The following GABRB1 variants were observed in gnomAD, a reference collection of about 807,000 sequenced individuals.
GABRB1 encodes the protein gamma-aminobutyric acid receptor subunit beta-1.
Under a neutral mutation model 51.6 loss-of-function variants are expected in GABRB1, and 17 were observed. That is an observed-to-expected ratio of 0.33 (90% CI 0.23 to 0.49). The LOEUF is 0.49. Among genes scored for constraint, GABRB1 ranks in the 20% least tolerant of loss-of-function variants. GABRB1 has a pLI of 0.99. For synonymous variants in GABRB1, 247 were observed against 218.9 expected, an observed-to-expected ratio of 1.13 and a Z score of -1.14; for missense variants, 410 against 600.6, an observed-to-expected ratio of 0.68 and a Z score of 3.32.
At chr4:47,064,369 T>C (rs1726970953) in intron 3 of GABRB1, among the ~76,000 whole-genome samples, 1 of 152,154 alleles carries the variant, frequency 6.6e-6, no homozygotes, top group African/African-American at 2.4e-5. Flanking sequence ...GTGCGGTGGC[T>C]CACGCCTGTA....
rs372650522 is a variant in GABRB1 at position 47,015,433 on chromosome 4, A to G, written c.-19-16481A>G. On this transcript the variant is annotated intron_variant, in intron 1 of 3. Transcript: ENST00000513567. Reference sequence around the variant, plus strand: ...TATATGTCAATACTGTAATATCCTTAATAGATTATATTAGCCTAAATAACA... The same window carrying G: ...TATATGTCAATACTGTAATATCCTTGATAGATTATATTAGCCTAAATAACA... 6.2e-4 allele frequency among the ~76,000 whole-genome samples: 94 copies of G among 152,332 alleles called. No individual in the cohort carries two copies. The South Asian group carries it at 0.013, about 21-fold the overall frequency.
intron 4 of GABRB1, among the ~76,000 whole-genome samples, chr4:47,174,345 G>A (rs1321187610): frequency 1.3e-5 from 2 of 152,066 alleles, no homozygotes; most frequent in Non-Finnish European, 2.9e-5. Context: ...GATTACAGGT[G>A]TGACCCACCA....
intron 4 of GABRB1, among the ~76,000 whole-genome samples, chr4:47,273,106 T>C (rs563658936): frequency 1.3e-5 from 2 of 152,288 alleles, no homozygotes; most frequent in South Asian, 2.1e-4. Context: ...AAAATCCTTA[T>C]GGTGCGTTGG....
intron 4 of GABRB1, among the ~76,000 whole-genome samples, chr4:47,195,361 G>A (rs866054333): frequency 1.4e-5 from 2 of 142,710 alleles, no homozygotes; most frequent in Admixed American, 7.5e-5. Flanking sequence ...GGGAGACTCC[G>A]TCTCAAAATA....
intron 3 of GABRB1, among the ~76,000 whole-genome samples, chr4:47,068,183 G>A (rs1360000282): frequency 6.6e-6 from 1 of 152,152 alleles, no homozygotes; most frequent in Non-Finnish European, 1.5e-5. Flanking sequence ...AAGAATTGAA[G>A]ATAGTTAGGG....
At position 47,242,127 on chromosome 4, in the gene GABRB1, A is replaced by T. The variant is rs561594881; in HGVS notation, c.462-78000A>T. ...GTTCCGTTCCCACCTATGAGTGAGA[A>T]CATGCGGTGTTTGGTTATCTGTCCT... On this transcript the variant is annotated intron_variant, in intron 4 of 8. Transcript: ENST00000295454. Among the ~76,000 whole-genome samples the T allele has an allele frequency of 7.2e-5, 11 of 152,144 alleles. 1 individual carries two copies. The South Asian group carries it at 2.3e-3, about 32-fold the overall frequency.
Position 47,381,095 on chromosome 4 carries a change from G to T in GABRB1, c.545-22223G>T, listed in dbSNP as rs138515863. The stretch of plus-strand genomic sequence containing the variant: ...AGCAGGGAAATGTGCCCTAGTCCTT[G>T]TGCACTGTCTCCCCGTTGTGCCACA... On this transcript the variant is annotated intron_variant, in intron 5 of 8. Transcript: ENST00000295454. 3.0e-3 allele frequency among the ~76,000 whole-genome samples: 461 copies of T among 152,258 alleles called. 6 individuals carry two copies. The highest frequency in any genetic ancestry group is 0.01 in the African/African-American group (419 of 41,544).
At chr4:47,293,457 T>A (rs986269019) in intron 4 of GABRB1, among the ~76,000 whole-genome samples, 1 of 152,132 alleles carries the variant, frequency 6.6e-6, no homozygotes, top group Admixed American at 6.5e-5. Flanking sequence ...ATTTTCTTAC[T>A]TAACAACTTC....
chr4:47,393,296 G>GA (rs889912475), intron 5 of GABRB1, among the ~76,000 whole-genome samples: 16 of 152,224 alleles, frequency 1.1e-4, no homozygotes, highest in African/African-American at 3.9e-4. Flanking sequence ...AAAATGATGA[G>GA]AATCAGTCCT....
chr4:47,033,632 C>G (rs192328564), intron 3 of GABRB1, among the ~76,000 whole-genome samples: 363 of 151,990 alleles, frequency 2.4e-3, no homozygotes, highest in Middle Eastern at 6.8e-3. Flanking sequence ...CCTACTGTGT[C>G]GTTTTATTTT....
intron 4 of GABRB1, among the ~76,000 whole-genome samples, chr4:47,217,754 G>T (rs895155616): frequency 1.3e-5 from 2 of 151,230 alleles, no homozygotes; most frequent in African/African-American, 4.9e-5. Context: ...GTGACATTTA[G>T]ATACAAGCAC....
chr4:47,147,700 C>T (rs1162332828), intron 3 of GABRB1, among the ~76,000 whole-genome samples: 1 of 152,032 alleles, frequency 6.6e-6, no homozygotes, highest in Non-Finnish European at 1.5e-5. Context: ...AATCTAAGGC[C>T]TGTTCAATAC....
At chr4:47,176,871 T>C (rs1013495020) in intron 4 of GABRB1, among the ~76,000 whole-genome samples, 4 of 152,064 alleles carry the variant, frequency 2.6e-5, no homozygotes, top group African/African-American at 9.7e-5. Flanking sequence ...CATATAATCA[T>C]CACAATGATT....
At chr4:47,341,447 G>A (rs1339286336) in intron 5 of GABRB1, among the ~76,000 whole-genome samples, 4 of 152,120 alleles carry the variant, frequency 2.6e-5, no homozygotes, top group Non-Finnish European at 5.9e-5. Context: ...TAAACATCTA[G>A]CAAGTAAAGG....
rs1296354500 is a variant in GABRB1, at chr4:47,392,891, T to C, written c.545-10427T>C. 5.3e-5 allele frequency among the ~76,000 whole-genome samples: 8 copies of C among 152,360 alleles called. No individual in the cohort carries two copies. The South Asian group carries it at 1.4e-3, about 28-fold the overall frequency. On this transcript the variant is annotated intron_variant, in intron 5 of 8. Transcript: ENST00000295454. ...AGAAAGAAGGTATGTCAATCCAGTG[T>C]CTGTTGCAGACAGCAGAAGTCCATC...
chr4:47,157,631 G>T (rs150397263), intron 3 of GABRB1, among the ~76,000 whole-genome samples: 1 of 152,082 alleles, frequency 6.6e-6, no homozygotes, highest in African/African-American at 2.4e-5. Context: ...TGAGAACCAC[G>T]AGCACAGAGC....
At position 47,371,653 on chromosome 4, in the gene GABRB1, C is replaced by T. The variant is rs193278324; in HGVS notation, c.545-31665C>T. Reference sequence around the variant, plus strand: ...TTCTGACTAGTGTAAGATGGTATCTCGTTGTGGTTTTGATGGGCGTTTCTC... The same window carrying T: ...TTCTGACTAGTGTAAGATGGTATCTTGTTGTGGTTTTGATGGGCGTTTCTC... On this transcript the variant is annotated intron_variant, in intron 5 of 8. Transcript: ENST00000295454. Among the ~76,000 whole-genome samples, 13 of 152,232 alleles carry T rather than the reference C, an allele frequency of 8.5e-5. No homozygotes were observed. The East Asian group carries it at 1.4e-3, about 16-fold the overall frequency.
rs16860194 is a variant in GABRB1 at position 47,405,764 on chromosome 4, T to C, written c.836-918T>C. On this transcript the variant is annotated intron_variant, in intron 7 of 8. Coordinates refer to ENST00000295454, the MANE Select transcript of GABRB1 (RefSeq NM_000812.4). ...TAATATTAGTATTGCAGAACAAATA[T>C]CTACACTAGATTCCAACTTCTTTTT... 7.4e-3 allele frequency among the ~76,000 whole-genome samples: 1,121 copies of C among 152,266 alleles called. 11 individuals carry two copies. The highest frequency in any genetic ancestry group is 0.025 in the African/African-American group (1,059 of 41,568).
chr4:47,095,888 A>G (rs1288073464), intron 3 of GABRB1, among the ~76,000 whole-genome samples: 4 of 152,238 alleles, frequency 2.6e-5, no homozygotes, highest in Admixed American at 6.5e-5. Context: ...TATCTTGGGC[A>G]TTAAAAACAT....
Sources: allele counts gnomAD v4.1 joint callset (sites outside exome capture counted in the v4.1 genomes callset), GRCh38; gene constraint gnomAD v4.1.1; transcripts MANE v1.5; gene names NCBI Gene and HGNC (gene_info 2026-07-23, HGNC 2026-07-21).